The following L3MBTL4 variants were observed in gnomAD, a reference collection of about 807,000 sequenced individuals.
L3MBTL4 encodes the protein lethal(3)malignant brain tumor-like protein 4.
A neutral mutation model predicts 84.5 loss-of-function variants in L3MBTL4; 70 were observed. That is an observed-to-expected ratio of 0.83 (90% CI 0.68 to 1.01). L3MBTL4 has a LOEUF of 1.01. L3MBTL4 is among the 50% of genes least tolerant of loss of function. The pLI is 0.00. For missense variants in L3MBTL4, 715 were observed against 754.8 expected, an observed-to-expected ratio of 0.95 and a Z score of 0.62; for synonymous variants, 274 against 259.8, an observed-to-expected ratio of 1.05 and a Z score of -0.52.
intron 13 of L3MBTL4, among the ~76,000 whole-genome samples, chr18:6,140,101 GCTT>G (rs918436107): frequency 6.6e-6 from 1 of 152,130 alleles, no homozygotes; most frequent in Non-Finnish European, 1.5e-5. Context: ...AAATGGCTTT[GCTT>G]CTAAAGCCCC....
At chr18:6,183,851 C>A (rs2044597176) in intron 12 of L3MBTL4, among the ~76,000 whole-genome samples, 1 of 152,108 alleles carries the variant, frequency 6.6e-6, no homozygotes, top group Admixed American at 6.5e-5. Flanking sequence ...TATAAACATT[C>A]AATTCCCAGT....
chr18:6,373,911 A>G (rs1409755547), intron 1 of L3MBTL4, among the ~76,000 whole-genome samples: 1 of 152,246 alleles, frequency 6.6e-6, no homozygotes, highest in Non-Finnish European at 1.5e-5. Context: ...TAAGATACTG[A>G]CAAAGCTAAA....
intron 16 of L3MBTL4, among the ~76,000 whole-genome samples, chr18:5,988,582 C>A (rs1423012997): frequency 6.6e-6 from 1 of 152,036 alleles, no homozygotes; most frequent in Non-Finnish European, 1.5e-5. Context: ...AAATGTTAGG[C>A]CACTAGACAA....
chr18:6,205,520 A>G (rs879493275), intron 12 of L3MBTL4, among the ~76,000 whole-genome samples: 1 of 152,224 alleles, frequency 6.6e-6, no homozygotes, highest in Admixed American at 6.5e-5. Context: ...TCAACCTGTC[A>G]CCACCACATT....
chr18:6,051,640 G>A (rs542571577), intron 16 of L3MBTL4, among the ~76,000 whole-genome samples: 6 of 152,168 alleles, frequency 3.9e-5, no homozygotes, highest in South Asian at 4.2e-4. Context: ...TCAAAATGTC[G>A]GCAGTGGATT....
chr18:6,051,041 C>T (rs2145804961), intron 16 of L3MBTL4, among the ~76,000 whole-genome samples: 1 of 152,282 alleles, frequency 6.6e-6, no homozygotes, highest in East Asian at 1.9e-4. Flanking sequence ...TGGACACCTT[C>T]TCAGCCTGAG....
chr18:6,068,840 C>A (rs1334253022), intron 16 of L3MBTL4, among the ~76,000 whole-genome samples: 1 of 152,188 alleles, frequency 6.6e-6, no homozygotes, highest in African/African-American at 2.4e-5. Context: ...AAACGTCCCA[C>A]TAGTGGAAAG....
At chr18:6,323,170 G>T (rs1158739477) in intron 1 of L3MBTL4, among the ~76,000 whole-genome samples, 1 of 152,188 alleles carries the variant, frequency 6.6e-6, no homozygotes, top group Non-Finnish European at 1.5e-5. Context: ...AGAACCATGA[G>T]CCAATTAAAC....
At chr18:6,246,827 C>T (rs2047684050) in intron 5 of L3MBTL4, among the ~76,000 whole-genome samples, 1 of 152,124 alleles carries the variant, frequency 6.6e-6, no homozygotes, top group Non-Finnish European at 1.5e-5. Context: ...TCGCTTGAAC[C>T]CAAGAGACGG....
chr18:6,332,329 C>T (rs2052080555), intron 1 of L3MBTL4, among the ~76,000 whole-genome samples: 1 of 152,164 alleles, frequency 6.6e-6, no homozygotes, highest in South Asian at 2.1e-4. Flanking sequence ...CACTGGGCTG[C>T]TCATAGAATA....
intron 3 of L3MBTL4, among the ~76,000 whole-genome samples, chr18:6,307,073 T>C (rs756691860): frequency 1.3e-4 from 20 of 152,034 alleles, no homozygotes; most frequent in Non-Finnish European, 4.4e-5. Flanking sequence ...GCCCAGATAA[T>C]TCCCACTCTT....
chr18:6,294,815 G>C (rs960223698), intron 4 of L3MBTL4, among the ~76,000 whole-genome samples: 3 of 152,192 alleles, frequency 2.0e-5, no homozygotes, highest in Admixed American at 6.5e-5. Flanking sequence ...ATGTAGGAGA[G>C]ACTTAGTATT....
At chr18:5,999,958 A>T (rs774330664) in intron 16 of L3MBTL4, among the ~76,000 whole-genome samples, 9 of 152,170 alleles carry the variant, frequency 5.9e-5, no homozygotes, top group Non-Finnish European at 1.2e-4. Context: ...GTTTGCAGGA[A>T]GCACTCTGTC....
intron 3 of L3MBTL4, among the ~76,000 whole-genome samples, chr18:6,303,272 C>T (rs2050425027): frequency 6.6e-6 from 1 of 151,930 alleles, no homozygotes; most frequent in Non-Finnish European, 1.5e-5. Flanking sequence ...AGGTGCACAC[C>T]ACCACACTCG....
chr18:6,315,637 A>G (rs935317477), intron 1 of L3MBTL4, among the ~76,000 whole-genome samples: 2 of 152,226 alleles, frequency 1.3e-5, no homozygotes, highest in Non-Finnish European at 2.9e-5. Context: ...ACTATGCTGT[A>G]GCTTTTTTAA....
At chr18:6,405,245 T>C (rs913162049) in intron 1 of L3MBTL4, among the ~76,000 whole-genome samples, 4 of 152,150 alleles carry the variant, frequency 2.6e-5, no homozygotes, top group African/African-American at 9.7e-5. Context: ...AATAGGGAAA[T>C]AATACAACCA....
chr18:6,280,893 C>T (rs948438018), intron 4 of L3MBTL4, among the ~76,000 whole-genome samples: 17 of 152,078 alleles, frequency 1.1e-4, no homozygotes, highest in African/African-American at 4.1e-4. Flanking sequence ...ACAGATCCTC[C>T]CCTTGAGCCT....
chr18:6,299,324 TA>T (rs2050234007), intron 4 of L3MBTL4, among the ~76,000 whole-genome samples: 1 of 152,214 alleles, frequency 6.6e-6, no homozygotes, highest in African/African-American at 2.4e-5. Context: ...TATTAGCAGT[TA>T]TTTTTTCCCA....
chr18:6,116,071 A>C (rs551896570), intron 14 of L3MBTL4, among the ~76,000 whole-genome samples: 2 of 152,344 alleles, frequency 1.3e-5, no homozygotes, highest in South Asian at 2.1e-4. Flanking sequence ...AGAGAAGGCA[A>C]GATCATAGAA....
Sources: gnomAD v4.1 joint callset for allele counts (sites outside exome capture counted in the v4.1 genomes callset) on GRCh38, gnomAD v4.1.1 for gene constraint, MANE v1.5 for transcripts, NCBI Gene and HGNC (gene_info 2026-07-23, HGNC 2026-07-21) for gene names.